Variants in BBS9 observed in about 807,000 individuals in gnomAD.
BBS9 encodes the protein protein PTHB1.
A neutral mutation model predicts 117.7 loss-of-function variants in BBS9; 89 were observed. The observed-to-expected ratio is 0.76, with a 90% CI of 0.64 to 0.90. The LOEUF (loss-of-function observed/expected upper bound fraction) is 0.90. Among genes scored for constraint, BBS9 ranks in the 40% least tolerant of loss-of-function variants. The pLI is 0.00. For synonymous variants in BBS9, 379 were observed against 370.9 expected (o/e 1.02, Z -0.25); for missense variants, 982 against 1,042.2 (o/e 0.94, Z 0.80).
intron 21 of BBS9, among the ~76,000 whole-genome samples, chr7:33,585,515 T>A (rs1860735426): frequency 6.6e-6 from 1 of 152,100 alleles, no homozygotes; most frequent in Admixed American, 6.6e-5. Context: ...TGTATGTGAC[T>A]TTGAGCAAGT....
intron 9 of BBS9, among the ~76,000 whole-genome samples, chr7:33,288,435 C>CA (rs1195983847): frequency 2.0e-5 from 3 of 152,028 alleles, no homozygotes; most frequent in Non-Finnish European, 4.4e-5. Flanking sequence ...TAGAAGATGA[C>CA]AAAATGTTAT....
chr7:33,151,964 C>G (rs1793412736), intron 2 of BBS9, among the ~76,000 whole-genome samples: 1 of 149,968 alleles, frequency 6.7e-6, no homozygotes, highest in East Asian at 2.0e-4. Flanking sequence ...CTCAAGCAGT[C>G]CTTCCACCTC....
intron 15 of BBS9, among the ~76,000 whole-genome samples, chr7:33,354,469 C>CCAG (rs1351182803): frequency 6.6e-6 from 1 of 152,052 alleles, no homozygotes; most frequent in Admixed American, 6.6e-5. Flanking sequence ...GCAGATGAAG[C>CCAG]ACAGTACGTA....
At chr7:33,459,189 C>T (rs1010261768) in intron 19 of BBS9, among the ~76,000 whole-genome samples, 35 of 152,042 alleles carry the variant, frequency 2.3e-4, no homozygotes, top group Non-Finnish European at 4.4e-4. Flanking sequence ...TGTTCTTTAA[C>T]GCCAGCCAGA....
chr7:33,341,017 A>C (rs1403079452), intron 11 of BBS9, 44 bp downstream of exon 11: 13 of 1,533,784 alleles, frequency 8.5e-6, no homozygotes, highest in Non-Finnish European at 1.2e-5. Flanking sequence ...AAGAGTGGTA[A>C]ACTCTGATGA....
chr7:33,177,764 G>A (rs1797540200), intron 5 of BBS9, 173 bp downstream of exon 5: 1 of 624,788 alleles, frequency 1.6e-6, no homozygotes, highest in African/African-American at 1.8e-5. Flanking sequence ...CACCCTGAAT[G>A]TGCCTGATAT....
chr7:33,273,645 G>T (rs2128346754), intron 8 of BBS9, among the ~76,000 whole-genome samples, 182 bp from the exon 9 acceptor site: 1 of 152,274 alleles, frequency 6.6e-6, no homozygotes, highest in Non-Finnish European at 1.5e-5. Context: ...TTCCAAGACT[G>T]TAAAATGATT....
At chr7:33,229,775 C>T (rs1398448360) in intron 5 of BBS9, among the ~76,000 whole-genome samples, 1 of 152,044 alleles carries the variant, frequency 6.6e-6, no homozygotes, top group African/African-American at 2.4e-5. Flanking sequence ...GTATATGCCC[C>T]GAAAAGGGAT....
chr7:33,561,082 A>C (rs865977909), intron 21 of BBS9, among the ~76,000 whole-genome samples: 17 of 152,288 alleles, frequency 1.1e-4, no homozygotes, highest in African/African-American at 4.1e-4. Flanking sequence ...AACAACTATT[A>C]GGGACTATAC....
At chr7:33,221,511 G>A (rs1189624154) in intron 5 of BBS9, among the ~76,000 whole-genome samples, 2 of 151,956 alleles carry the variant, frequency 1.3e-5, no homozygotes, top group African/African-American at 4.8e-5. Context: ...AAAAAATTAG[G>A]GAAAACTGCT....
chr7:33,409,335 A>G (rs1830675934), intron 19 of BBS9, among the ~76,000 whole-genome samples: 1 of 152,220 alleles, frequency 6.6e-6, no homozygotes, highest in Non-Finnish European at 1.5e-5. Context: ...ATTTTATTAC[A>G]TGATGATAGG....
intron 19 of BBS9, among the ~76,000 whole-genome samples, chr7:33,474,203 CAAG>C (rs1325741862): frequency 1.3e-5 from 2 of 152,122 alleles, no homozygotes; most frequent in East Asian, 3.9e-4. Context: ...GGTTACAATG[CAAG>C]AAGAAGTAGT....
At chr7:33,631,662 G>A (rs1347339589) in intron 21 of BBS9, among the ~76,000 whole-genome samples, 1 of 152,168 alleles carries the variant, frequency 6.6e-6, no homozygotes, top group African/African-American at 2.4e-5. Flanking sequence ...CAGTGCAGGG[G>A]CCCCTTGCCT....
At chr7:33,311,305 C>T (rs1468300728) in intron 9 of BBS9, among the ~76,000 whole-genome samples, 1 of 152,136 alleles carries the variant, frequency 6.6e-6, no homozygotes, top group African/African-American at 2.4e-5. Flanking sequence ...GTTTTGATTT[C>T]TAAACAGGAA....
intron 9 of BBS9, among the ~76,000 whole-genome samples, chr7:33,331,080 TG>T (rs1408031706): frequency 1.3e-5 from 2 of 152,180 alleles, no homozygotes; most frequent in African/African-American, 4.8e-5. Flanking sequence ...TATGATCAAG[TG>T]GGTTTCATTC....
chr7:33,587,086 A>G (rs1173647176), intron 21 of BBS9, among the ~76,000 whole-genome samples: 1 of 152,018 alleles, frequency 6.6e-6, no homozygotes, highest in Non-Finnish European at 1.5e-5. Flanking sequence ...TACCTACTCT[A>G]CTGCTCAAAG....
At chr7:33,244,931 CAG>C (rs1173041733) in intron 5 of BBS9, among the ~76,000 whole-genome samples, 1 of 152,150 alleles carries the variant, frequency 6.6e-6, no homozygotes, top group Non-Finnish European at 1.5e-5. Context: ...GCTTTGGAAA[CAG>C]GGAACAGTCA....
rs115453617 is a variant in BBS9 at position 33,320,487 on chromosome 7, G to A, written c.1017-15954G>A. Among the ~76,000 whole-genome samples, 1,312 of 152,014 alleles carry A rather than the reference G, an allele frequency of 8.6e-3. 18 individuals are homozygous for A. Among genetic ancestry groups the A allele is most frequent in the African/African-American group, 0.03 (1,249 of 41,468 alleles). On this transcript the variant is annotated intron_variant, in intron 9 of 22. Transcript: ENST00000242067. ...ATAACAACATTTGCTTTATCCATTC[G>A]TCTGTTGATGGACACTTAGGTTGCT...
At chr7:33,581,167 T>C (rs1159513681) in intron 21 of BBS9, among the ~76,000 whole-genome samples, 1 of 152,004 alleles carries the variant, frequency 6.6e-6, no homozygotes, top group Non-Finnish European at 1.5e-5. Flanking sequence ...TTCTAAAATG[T>C]CCATCTTGGG....
Sources: gnomAD v4.1 joint callset for allele counts (sites outside exome capture counted in the v4.1 genomes callset) on GRCh38, gnomAD v4.1.1 for gene constraint, MANE v1.5 for transcripts, NCBI Gene and HGNC (gene_info 2026-07-23, HGNC 2026-07-21) for gene names.